The following DPY19L2 variants were observed in gnomAD, a reference collection of about 807,000 sequenced individuals.
DPY19L2 encodes probable C-mannosyltransferase DPY19L2.
DPY19L2 carries 34 observed loss-of-function variants against 97.9 expected under a neutral mutation model. That is an observed-to-expected ratio of 0.35 (90% CI 0.26 to 0.46). The LOEUF (loss-of-function observed/expected upper bound fraction) is 0.46, where lower values mean the gene tolerates loss of function less well. DPY19L2 is among the 20% of genes least tolerant of loss of function. The pLI, the probability that DPY19L2 is intolerant of heterozygous loss-of-function variation, is 1.00. For synonymous variants in DPY19L2, 230 were observed against 307.9 expected, an observed-to-expected ratio of 0.75 and a Z score of 2.65; for missense variants, 623 against 911.4, an observed-to-expected ratio of 0.68 and a Z score of 4.07.
chr12:63,642,881 T>C (rs1411033179), intron 6 of DPY19L2, among the ~76,000 whole-genome samples: 1 of 152,096 alleles, frequency 6.6e-6, no homozygotes, highest in Non-Finnish European at 1.5e-5. Context: ...TAATATCAAG[T>C]CTTCAATCAA....
chr12:63,570,804 G>A lies in DPY19L2; in HGVS notation c.1954C>T (p.Leu652Phe), dbSNP rs747922250. 3.7e-6 allele frequency: 6 copies of A among 1,612,236 alleles called. No individual in the cohort carries two copies. The African/African-American group carries it at 6.7e-5, about 18-fold the overall frequency. Residue 652 changes from leucine to phenylalanine, a missense_variant, in exon 20 of 22, where the codon CTT becomes TTT. By Grantham distance (22) the Leu-to-Phe change is conservative (BLOSUM62 0). This residue lies in a region of DPY19L2 where 294 missense variants were observed against 446.2 expected (regional missense o/e 0.66). Coordinates refer to ENST00000324472, the MANE Select transcript of DPY19L2 (RefSeq NM_173812.5). Reference protein sequence around the residue: ...PTMASIKLSTLHPIVNHPHYE... With the variant: ...PTMASIKLSTFHPIVNHPHYE... ...TGTGGATGATTCACAATGGGATGAA[G>A]TGTAGACAGCTTGATGCTTGCCATT...
At chr12:63,573,234 GATAAAGTTAACAA>G (rs1285268276) in intron 19 of DPY19L2, among the ~76,000 whole-genome samples, 3 of 152,046 alleles carry the variant, frequency 2.0e-5, no homozygotes, top group African/African-American at 7.2e-5. Context: ...TATCTTATCA[GATAAAGTTAACAA>G]ATAAATTGAA....
intron 19 of DPY19L2, among the ~76,000 whole-genome samples, chr12:63,579,109 C>T (rs11561367): frequency 0.54 from 81,750 of 151,932 alleles, 22,304 homozygotes; most frequent in East Asian, 0.72. Flanking sequence ...CTTTCTGTCT[C>T]TTTGGCTGTG....
chr12:63,569,272 T>G lies in DPY19L2; in HGVS notation c.2078A>C (p.His693Pro). The change falls in exon 21 of 22, where the codon CAT (histidine) becomes CCT (proline). Residue 693 changes from histidine to proline, a missense_variant. His to Pro is a moderately conservative substitution (Grantham distance 77). Coordinates refer to ENST00000324472, the MANE Select transcript of DPY19L2 (RefSeq NM_173812.5). ...CTCTTCTAAAACATAATAATTCACATGTAACTCCAACAATTTATCTCTTAC... is the reference window on the plus strand; with the variant it reads ...CTCTTCTAAAACATAATAATTCACAGGTAACTCCAACAATTTATCTCTTAC... ...KEVRDKLLEL[H>P]VNYYVLEEAW... 1 of 1,601,738 alleles carries G rather than the reference T, an allele frequency of 6.2e-7. No individual in the cohort carries two copies. Among genetic ancestry groups the G allele is most frequent in the Non-Finnish European group, 8.5e-7 (1 of 1,175,494 alleles).
At chr12:63,595,339 A>G (rs1164462105) in intron 15 of DPY19L2, among the ~76,000 whole-genome samples, 2 of 152,120 alleles carry the variant, frequency 1.3e-5, no homozygotes, top group Admixed American at 6.6e-5. Flanking sequence ...AAAAATACCC[A>G]CTGTCTTTAA....
chr12:63,638,057 C>A (rs139850380), intron 6 of DPY19L2, among the ~76,000 whole-genome samples: 44 of 152,048 alleles, frequency 2.9e-4, no homozygotes, highest in African/African-American at 1.0e-3. Context: ...GTTCAACATA[C>A]GCAAATCAAT....
chr12:63,584,595 T>C (rs1190772586), intron 16 of DPY19L2, among the ~76,000 whole-genome samples: 1 of 152,184 alleles, frequency 6.6e-6, no homozygotes, highest in Admixed American at 6.5e-5. Flanking sequence ...GACTCACCCC[T>C]TTGTCCAGCA....
intron 6 of DPY19L2, among the ~76,000 whole-genome samples, chr12:63,638,558 C>G (rs1892142455): frequency 6.6e-6 from 1 of 152,080 alleles, no homozygotes; most frequent in Non-Finnish European, 1.5e-5. Context: ...TTCCTATACA[C>G]CACTAATAGA....
intron 6 of DPY19L2, among the ~76,000 whole-genome samples, chr12:63,629,157 G>A (rs551115210): frequency 3.3e-5 from 5 of 152,270 alleles, no homozygotes; most frequent in Non-Finnish European, 5.9e-5. Context: ...AAATCAGAGT[G>A]CCTCTCCTCC....
rs34668144 is a variant in DPY19L2 at position 63,570,647 on chromosome 12, T to TTGTGTGTGTGTG, written c.2000+99_2000+110dup. 63 of 565,858 alleles carry TTGTGTGTGTGTG rather than the reference T, an allele frequency of 1.1e-4. No individual in the cohort carries two copies. The African/African-American group carries it at 1.1e-3, about 10-fold the overall frequency. 35.1% of individuals were successfully genotyped at this position (565,858 alleles called of 1,614,324 possible). On this transcript the variant is annotated intron_variant, in intron 20 of 21. Coordinates refer to ENST00000324472, the MANE Select transcript of DPY19L2 (RefSeq NM_173812.5). ...TTCCAGTATGAAAATGAGGATGAGT[T>TTGTGTGTGTGTG]TGTGTGTGTGTGTGTGTGTGTGTGT...
intron 16 of DPY19L2, among the ~76,000 whole-genome samples, chr12:63,587,844 T>C (rs576348632): frequency 6.6e-6 from 1 of 152,186 alleles, no homozygotes; most frequent in South Asian, 2.1e-4. Flanking sequence ...GTGCTGGGAT[T>C]ATAGGCATGA....
chr12:63,643,594 G>T (rs556345879), intron 6 of DPY19L2, among the ~76,000 whole-genome samples: 3 of 152,162 alleles, frequency 2.0e-5, no homozygotes, highest in Non-Finnish European at 2.9e-5. Context: ...GTTGTTTATT[G>T]TATCATTCAA....
rs185098713 is a variant in DPY19L2, at chr12:63,627,816, T to G, written c.804-1290A>C. Among the ~76,000 whole-genome samples, 265 of 152,294 alleles carry G rather than the reference T, an allele frequency of 1.7e-3. 2 individuals carry two copies. The highest frequency in any genetic ancestry group is 6.2e-3 in the African/African-American group (259 of 41,558). On this transcript the variant is annotated intron_variant, in intron 6 of 21. Coordinates refer to ENST00000324472, the MANE Select transcript of DPY19L2 (RefSeq NM_173812.5). ...GCACCATGAGGACAGGGACAGGTTCTTTATCTGTCTTGTTCATTACTATAT... is the reference window on the plus strand; with the variant it reads ...GCACCATGAGGACAGGGACAGGTTCGTTATCTGTCTTGTTCATTACTATAT...
At chr12:63,628,850 T>C (rs1286193414) in intron 6 of DPY19L2, among the ~76,000 whole-genome samples, 2 of 150,942 alleles carry the variant, frequency 1.3e-5, no homozygotes, top group Admixed American at 1.3e-4. Flanking sequence ...CACAGCCGGG[T>C]ACTCCTCTGA....
intron 18 of DPY19L2, among the ~76,000 whole-genome samples, chr12:63,581,387 C>T (rs1436986226): frequency 5.9e-5 from 9 of 151,608 alleles, no homozygotes; most frequent in Non-Finnish European, 8.8e-5. Flanking sequence ...ATAGATTCTT[C>T]GAGCCAAACA....
At chr12:63,650,901 T>C (rs1894119282) in intron 4 of DPY19L2, among the ~76,000 whole-genome samples, 2 of 151,790 alleles carry the variant, frequency 1.3e-5, no homozygotes, top group South Asian at 4.2e-4. Flanking sequence ...AATAAGTAAA[T>C]AAAATAAAAC....
At chr12:63,563,185 G>A (rs1876976953) in intron 21 of DPY19L2, among the ~76,000 whole-genome samples, 1 of 151,966 alleles carries the variant, frequency 6.6e-6, no homozygotes, top group African/African-American at 2.4e-5. Context: ...ATCAGACATA[G>A]GCTTTGAAAA....
At chr12:63,663,699 A>G in intron 3 of DPY19L2, 59 bp downstream of exon 3, 1 of 1,414,100 alleles carries the variant, frequency 7.1e-7, no homozygotes, top group South Asian at 1.3e-5. Flanking sequence ...ATACATTTCT[A>G]CCTCATAGTC....
At position 63,570,000 on chromosome 12, in the gene DPY19L2, C is replaced by T. The variant is rs550582886; in HGVS notation, c.2001-651G>A. ...CACAGTGGTTTCCACGCCAGTTCAC[C>T]GCAGTAGAACAGAGAGAGCATCAGG... On this transcript the variant is annotated intron_variant, in intron 20 of 21. Transcript: ENST00000324472. Among the ~76,000 whole-genome samples, 10 of 152,222 alleles carry T rather than the reference C, an allele frequency of 6.6e-5. No homozygotes were observed. In the South Asian group the frequency reaches 2.1e-3, roughly 32 times the overall value.
Sources: allele counts gnomAD v4.1 joint callset (sites outside exome capture counted in the v4.1 genomes callset), GRCh38; gene constraint gnomAD v4.1.1; regional missense constraint gnomAD v4.1.1; transcripts MANE v1.5; gene names NCBI Gene and HGNC (gene_info 2026-07-23, HGNC 2026-07-21).